The following IL36B variants were observed in gnomAD, a reference collection of about 807,000 sequenced individuals.
The protein encoded by IL36B is interleukin 36 beta, also known as interleukin-36 beta.
Under a neutral mutation model 19.3 loss-of-function variants are expected in IL36B, and 23 were observed. The observed-to-expected ratio is 1.19, with a 90% CI of 0.86 to 1.69. The LOEUF is 1.69. Ranked by LOEUF, IL36B falls within the 40% of genes most tolerant of loss-of-function variation. IL36B has a pLI of 0.00. For missense variants in IL36B, 217 were observed against 200.5 expected, an observed-to-expected ratio of 1.08 and a Z score of -0.50; for synonymous variants, 59 against 59.7, an observed-to-expected ratio of 0.99 and a Z score of 0.05.
At chr2:113,031,383 G>C (rs1685072892) in intron 2 of IL36B, among the ~76,000 whole-genome samples, 1 of 151,968 alleles carries the variant, frequency 6.6e-6, no homozygotes, top group African/African-American at 2.4e-5. Context: ...CCTTTTTCTA[G>C]GGCTATTAGT....
rs772234367 is a variant in IL36B, at chr2:113,031,033, T to A, written c.121+15A>T. The A allele has an allele frequency of 1.3e-6, 2 of 1,572,230 alleles. No homozygotes were observed. Among genetic ancestry groups the A allele is most frequent in the Non-Finnish European group, 1.8e-6 (2 of 1,141,794 alleles). On this transcript the variant is annotated intron_variant, in intron 3 of 5. Coordinates refer to ENST00000259213, the MANE Select transcript of IL36B (RefSeq NM_014438.5). ...ATCACCTCAAGAAGCAACAGTGGGT[T>A]TGATTGTCACTCACCAGGCTTAATG...
intron 4 of IL36B, 101 bp downstream of exon 5, chr2:113,027,332 A>G (rs1411533655): frequency 2.9e-6 from 1 of 344,148 alleles, no homozygotes; most frequent in Non-Finnish European, 4.1e-6. Context: ...ATTGAAAAAA[A>G]TCAGTGTTTA....
intron 1 of IL36B, among the ~76,000 whole-genome samples, chr2:113,048,460 A>G (rs1685385639): frequency 6.6e-6 from 1 of 151,986 alleles, no homozygotes; most frequent in Non-Finnish European, 1.5e-5. Context: ...AACAAAAAAC[A>G]CCCCCAAAAT....
intron 1 of IL36B, among the ~76,000 whole-genome samples, chr2:113,051,496 C>T (rs1411675605): frequency 1.3e-5 from 2 of 152,184 alleles, no homozygotes; most frequent in African/African-American, 2.4e-5. Flanking sequence ...TCTCAGATCC[C>T]GGCCTGTGCA....
intron 5 of IL36B, chr2:113,025,989 C>A: frequency 6.8e-7 from 1 of 1,466,362 alleles, no homozygotes; most frequent in Non-Finnish European, 9.1e-7. Context: ...TGAACTTAGA[C>A]CTGCCATGGG....
intron 3 of IL36B, 85 bp from the exon 4 acceptor site, chr2:113,029,163 C>T: frequency 7.3e-7 from 1 of 1,373,058 alleles, no homozygotes; most frequent in African/African-American, 1.4e-5. Context: ...GGAATAGTGA[C>T]AGGCTCCTCC....
intron 1 of IL36B, among the ~76,000 whole-genome samples, chr2:113,041,516 T>C (rs1685256853): frequency 1.3e-5 from 2 of 152,136 alleles, no homozygotes; most frequent in Non-Finnish European, 2.9e-5. Flanking sequence ...GGCTAATATT[T>C]CTTAAACTTG....
At chr2:113,048,583 G>A (rs1685388219) in intron 1 of IL36B, among the ~76,000 whole-genome samples, 1 of 152,268 alleles carries the variant, frequency 6.6e-6, no homozygotes, top group Middle Eastern at 3.4e-3. Flanking sequence ...GAAGGTACTA[G>A]AAAAAGGAGT....
chr2:113,027,991 G>T, intron 4 of IL36B: 2 of 1,614,178 alleles, frequency 1.2e-6, no homozygotes, highest in East Asian at 2.2e-5. Flanking sequence ...TGTGGTGGAG[G>T]TGGCTATGAA....
chr2:113,045,758 G>A (rs778794789), intron 1 of IL36B, among the ~76,000 whole-genome samples: 12 of 152,116 alleles, frequency 7.9e-5, no homozygotes, highest in Non-Finnish European at 1.6e-4. Context: ...TTCATGTAGT[G>A]TATATTTCAT....
At chr2:113,049,607 A>G (rs1573379573) in intron 1 of IL36B, among the ~76,000 whole-genome samples, 1 of 152,238 alleles carries the variant, frequency 6.6e-6, no homozygotes, top group Admixed American at 6.5e-5. Flanking sequence ...TTTCACACCC[A>G]TTAAGATGGT....
chr2:113,029,163 C>G, intron 3 of IL36B, 85 bp from the exon 4 acceptor site: 1 of 1,373,060 alleles, frequency 7.3e-7, no homozygotes, highest in Non-Finnish European at 1.0e-6. Context: ...GGAATAGTGA[C>G]AGGCTCCTCC....
chr2:113,049,333 A>G (rs923560430), intron 1 of IL36B, among the ~76,000 whole-genome samples: 6 of 152,224 alleles, frequency 3.9e-5, no homozygotes, highest in Non-Finnish European at 7.4e-5. Context: ...ACCTCAAATG[A>G]CACTATTAAT....
rs529822898 is a variant in IL36B at position 113,022,706 on chromosome 2, G to T, written c.463C>A (p.Arg155=). ...CTTCCTGGCATTCCTATGTTGGTCCGCATGGATGAGAAATCTTTGTCCTTC... is the reference window on the plus strand; with the variant it reads ...CTTCCTGGCATTCCTATGTTGGTCCTCATGGATGAGAAATCTTTGTCCTTC... Residue 155 remains arginine, a synonymous_variant, in exon 6 of 6, where the codon CGG becomes AGG. Coordinates refer to ENST00000259213, the MANE Select transcript of IL36B (RefSeq NM_014438.5). 2 of 1,611,380 alleles carry T rather than the reference G, an allele frequency of 1.2e-6. No homozygotes were observed. The highest frequency in any genetic ancestry group is 1.1e-5 in the South Asian group (1 of 91,000).
intron 1 of IL36B, among the ~76,000 whole-genome samples, chr2:113,051,498 GCC>G (rs1413810421): frequency 6.6e-6 from 1 of 152,164 alleles, no homozygotes; most frequent in African/African-American, 2.4e-5. Context: ...TCAGATCCCG[GCC>G]TGTGCACCTG....
intron 3 of IL36B, among the ~76,000 whole-genome samples, chr2:113,029,648 C>T (rs1685036531): frequency 6.6e-6 from 1 of 152,136 alleles, no homozygotes; most frequent in South Asian, 2.1e-4. Flanking sequence ...GATCAATAGT[C>T]CCACTTGGGA....
chr2:113,034,092 T>C (rs1191320491), intron 1 of IL36B, among the ~76,000 whole-genome samples: 1 of 152,186 alleles, frequency 6.6e-6, no homozygotes, highest in Admixed American at 6.5e-5. Flanking sequence ...CAGAACCCTC[T>C]AATAGCTTTG....
At chr2:113,026,021 G>T in intron 5 of IL36B, 1 of 1,547,146 alleles carries the variant, frequency 6.5e-7, no homozygotes, top group Non-Finnish European at 8.7e-7. Context: ...CAATACTGCT[G>T]GGATCCTCTG....
intron 1 of IL36B, among the ~76,000 whole-genome samples, chr2:113,044,126 C>G (rs1204472071): frequency 1.3e-5 from 2 of 152,052 alleles, no homozygotes. Flanking sequence ...CTTTTTGGGC[C>G]TTTCAAAAAC....
Sources: gnomAD v4.1 joint callset for allele counts (sites outside exome capture counted in the v4.1 genomes callset) on GRCh38, gnomAD v4.1.1 for gene constraint, MANE v1.5 for transcripts, NCBI Gene and HGNC (gene_info 2026-07-23, HGNC 2026-07-21) for gene names.